Variants in MAPKBP1 observed in about 807,000 individuals in gnomAD.
MAPKBP1 encodes mitogen-activated protein kinase-binding protein 1.
In MAPKBP1, 71 loss-of-function variants were observed where a neutral mutation model predicts 170.5. The observed-to-expected ratio is 0.42, with a 90% CI of 0.34 to 0.51. MAPKBP1 has a LOEUF of 0.51. Ranked by LOEUF, MAPKBP1 falls within the 20% of genes least tolerant of loss-of-function variation. The pLI, the probability that MAPKBP1 is intolerant of heterozygous loss-of-function variation, is 0.06. For missense variants in MAPKBP1, 1,598 were observed against 1,933.0 expected, an observed-to-expected ratio of 0.83 and a Z score of 3.25; for synonymous variants, 719 against 757.9, an observed-to-expected ratio of 0.95 and a Z score of 0.84.
intron 2 of MAPKBP1, among the ~76,000 whole-genome samples, chr15:41,784,139 T>C (rs2064239686): frequency 6.6e-6 from 1 of 152,228 alleles, no homozygotes; most frequent in Admixed American, 6.5e-5. Context: ...GGTTGGCTTC[T>C]GTTTGAGAGG....
At position 41,825,515 on chromosome 15, in the gene MAPKBP1, C is replaced by CG; in HGVS notation, c.*83dup. ...CCCCTCTGCCCCTCACCAAAACCTG[C>CG]GGGGCTGCTTGGAGTGGAAAGCAGG... On this transcript the variant is annotated 3_prime_UTR_variant, in exon 31 of 31. Coordinates refer to ENST00000457542, the MANE Select transcript of MAPKBP1 (RefSeq NM_014994.3). The CG allele has an allele frequency of 7.6e-7, 1 of 1,317,800 alleles. No individual in the cohort carries two copies. Among genetic ancestry groups the CG allele is most frequent in the Admixed American group, 2.3e-5 (1 of 42,858 alleles). The allele number at this position is 1,317,800 out of a possible 1,614,324, so 81.6% of individuals were successfully genotyped here. A position where few individuals can be genotyped will look rare whatever the true frequency, so the allele number is the denominator to read the frequency against.
rs1003846321 is a variant in MAPKBP1, at chr15:41,825,858, T to C, written c.*422T>C. On this transcript the variant is annotated 3_prime_UTR_variant, in exon 31 of 31. Coordinates refer to ENST00000457542, the MANE Select transcript of MAPKBP1 (RefSeq NM_014994.3). ...AGGTGAGAGGTGATGTGGTATTCAG[T>C]GCCCGTCAGCCAACTGTGGGCCTTC... is the stretch of plus-strand genomic sequence containing the variant. 1.9e-5 allele frequency: 3 copies of C among 155,942 alleles called. No individual in the cohort carries two copies. The highest frequency in any genetic ancestry group is 7.2e-5 in the African/African-American group (3 of 41,622). 9.7% of individuals were successfully genotyped at this position (155,942 alleles called of 1,614,324 possible).
intron 3 of MAPKBP1, among the ~76,000 whole-genome samples, chr15:41,809,734 C>G (rs747545190): frequency 2.0e-5 from 3 of 152,248 alleles, no homozygotes; most frequent in Non-Finnish European, 4.4e-5. Context: ...TTCTTGCCCC[C>G]GATTCCTACT....
At chr15:41,810,768 T>G in intron 3 of MAPKBP1, 115 bp from the exon 4 acceptor site, 6 of 730,540 alleles carry the variant, frequency 8.2e-6, no homozygotes, top group East Asian at 2.5e-5. Context: ...GGAGCCCTTC[T>G]GAGCTCTTTC....
rs1207337622 is a variant in MAPKBP1 at position 41,823,598 on chromosome 15, C to T, written c.3750C>T (p.Ala1250=). ...SYQNPTTSSM[A]KISRSISVGE... Reference sequence around the variant, plus strand: ...AGAACCCCACCACCAGTTCCATGGCCAAGATATCCCGCAGTATCTCTGTTG... The same window carrying T: ...AGAACCCCACCACCAGTTCCATGGCTAAGATATCCCGCAGTATCTCTGTTG... Residue 1250 remains alanine (A), a synonymous_variant, in exon 29 of 31, where the codon GCC becomes GCT. Coordinates refer to ENST00000457542, the MANE Select transcript of MAPKBP1 (RefSeq NM_014994.3). 5.6e-6 allele frequency: 9 copies of T among 1,614,060 alleles called. No homozygotes were observed. Among genetic ancestry groups the T allele is most frequent in the African/African-American group, 1.3e-5 (1 of 74,918 alleles).
At chr15:41,819,547 C>CGGTGG (rs1555454018) in intron 21 of MAPKBP1, 48 bp from the exon 22 acceptor site, 17 of 1,235,904 alleles carry the variant, frequency 1.4e-5, no homozygotes, top group Middle Eastern at 2.3e-4. Context: ...GGTTGGGTGG[C>CGGTGG]GGGGGGGGGG....
intron 2 of MAPKBP1, among the ~76,000 whole-genome samples, chr15:41,795,133 C>T (rs1176179899): frequency 6.7e-6 from 1 of 149,020 alleles, no homozygotes; most frequent in Non-Finnish European, 1.5e-5. Context: ...CCACTGCACT[C>T]CAGCCTGGGT....
intron 23 of MAPKBP1, 78 bp downstream of exon 23, chr15:41,821,146 C>A: frequency 7.5e-7 from 1 of 1,335,084 alleles, no homozygotes; most frequent in Non-Finnish European, 1.1e-6. Context: ...GGGACCTGAG[C>A]ACTGGTCCAG....
rs1596104182 is a variant in MAPKBP1, at chr15:41,825,639, A to C, written c.*203A>C. 6.1e-6 allele frequency: 3 copies of C among 494,384 alleles called. No homozygotes were observed. The highest frequency in any genetic ancestry group is 7.2e-6 in the Non-Finnish European group (2 of 279,670). The allele number at this position is 494,384 out of a possible 1,614,324, so 30.6% of individuals were successfully genotyped here. On this transcript the variant is annotated 3_prime_UTR_variant, in exon 31 of 31. Coordinates refer to ENST00000457542, the MANE Select transcript of MAPKBP1 (RefSeq NM_014994.3). ...CTGACTGTTGCCTCACTTCCTTGGA[A>C]CTCCTGCCTCCACAGCCCCTCCAGT... is the stretch of plus-strand genomic sequence containing the variant.
intron 3 of MAPKBP1, among the ~76,000 whole-genome samples, chr15:41,804,410 A>G (rs2064654734): frequency 1.3e-5 from 2 of 152,164 alleles, no homozygotes; most frequent in Admixed American, 1.3e-4. Flanking sequence ...TCTCTACTGG[A>G]TAAGTTTGTG....
intron 2 of MAPKBP1, among the ~76,000 whole-genome samples, chr15:41,778,755 A>T (rs912005920): frequency 1.3e-5 from 2 of 152,200 alleles, no homozygotes; most frequent in African/African-American, 4.8e-5. Flanking sequence ...AAAGTTTCTG[A>T]AAGATTTTTA....
chr15:41,815,545 GT>G (rs2064876032), intron 11 of MAPKBP1, 78 bp from the exon 12 acceptor site: 1 of 1,557,466 alleles, frequency 6.4e-7, no homozygotes, highest in African/African-American at 1.4e-5. Context: ...CCAAGGGTTT[GT>G]TTTGCTCAGC....
intron 2 of MAPKBP1, among the ~76,000 whole-genome samples, chr15:41,777,313 C>A (rs1281234826): frequency 6.6e-6 from 1 of 150,384 alleles, no homozygotes; most frequent in Non-Finnish European, 1.5e-5. Context: ...TGCACTCTAG[C>A]CTGGGTAACA....
chr15:41,790,385 A>G (rs151320596), intron 2 of MAPKBP1, among the ~76,000 whole-genome samples: 1 of 152,310 alleles, frequency 6.6e-6, no homozygotes, highest in Non-Finnish European at 1.5e-5. Context: ...GGAAGTGGAT[A>G]GGGTGGGGAT....
At chr15:41,776,770 C>T (rs1567130439) in intron 2 of MAPKBP1, among the ~76,000 whole-genome samples, 1 of 152,170 alleles carries the variant, frequency 6.6e-6, no homozygotes. Context: ...ATTGTTAATT[C>T]TTACTGTAAT....
intron 2 of MAPKBP1, among the ~76,000 whole-genome samples, chr15:41,791,149 C>T (rs2064389346): frequency 6.6e-6 from 1 of 152,034 alleles, no homozygotes; most frequent in African/African-American, 2.4e-5. Flanking sequence ...GCTGGAATGA[C>T]TTACAACTCA....
intron 3 of MAPKBP1, 119 bp from the exon 4 acceptor site, chr15:41,810,764 C>T (rs914530895): frequency 1.4e-6 from 1 of 714,022 alleles, no homozygotes; most frequent in African/African-American, 1.8e-5. Context: ...CAGTGGAGCC[C>T]TTCTGAGCTC....
At chr15:41,822,840 G>C in intron 27 of MAPKBP1, 99 bp from the exon 28 acceptor site, 1 of 1,500,610 alleles carries the variant, frequency 6.7e-7, no homozygotes, top group Non-Finnish European at 9.1e-7. Context: ...CTTTGTGCTT[G>C]TTCTCTCCTA....
chr15:41,810,130 GC>G (rs2064777103), intron 3 of MAPKBP1, among the ~76,000 whole-genome samples: 1 of 152,154 alleles, frequency 6.6e-6, no homozygotes, highest in East Asian at 1.9e-4. Flanking sequence ...ACATCTTAAG[GC>G]ACACATGCTT....
Sources: gnomAD v4.1 joint callset for allele counts (sites outside exome capture counted in the v4.1 genomes callset) on GRCh38, gnomAD v4.1.1 for gene constraint, MANE v1.5 for transcripts, NCBI Gene and HGNC (gene_info 2026-07-23, HGNC 2026-07-21) for gene names.